UACA: variants seen among roughly 807,000 people sequenced by gnomAD.
The protein encoded by UACA is nuclear membrane binding protein.
Under a neutral mutation model 160.5 loss-of-function variants are expected in UACA, and 112 were observed. The ratio of observed to expected loss-of-function variants is 0.70; its 90% CI spans 0.60 to 0.82. The LOEUF (loss-of-function observed/expected upper bound fraction) is 0.82, where lower values mean the gene tolerates loss of function less well. Ranked by LOEUF, UACA falls within the 40% of genes least tolerant of loss-of-function variation. The pLI, the probability that UACA is intolerant of heterozygous loss-of-function variation, is 0.00. For missense variants in UACA, 1,574 were observed against 1,614.6 expected, an observed-to-expected ratio of 0.97 and a Z score of 0.43; for synonymous variants, 557 against 568.4, an observed-to-expected ratio of 0.98 and a Z score of 0.29.
At chr15:70,665,054 T>A (rs1054980742) in intron 16 of UACA, 1 of 324,174 alleles carries the variant, frequency 3.1e-6, no homozygotes, top group Non-Finnish European at 5.6e-6. Flanking sequence ...ATTACATATA[T>A]CCTAAGATGT....
intron 3 of UACA, 146 bp downstream of exon 3, chr15:70,694,871 A>C (rs1171593344): frequency 7.1e-6 from 5 of 700,700 alleles, no homozygotes; most frequent in African/African-American, 1.8e-5. Context: ...AATACCTCAG[A>C]AGTAAACTCT....
intron 1 of UACA, among the ~76,000 whole-genome samples, chr15:70,710,328 T>C (rs1898646040): frequency 6.6e-6 from 1 of 152,180 alleles, no homozygotes; most frequent in Non-Finnish European, 1.5e-5. Context: ...TATAATTGCA[T>C]ATAAGCACTC....
At chr15:70,699,172 G>A (rs1362654807) in intron 2 of UACA, among the ~76,000 whole-genome samples, 4 of 152,098 alleles carry the variant, frequency 2.6e-5, no homozygotes, top group African/African-American at 9.7e-5. Context: ...TGAGACCAAA[G>A]TATTTAACCT....
chr15:70,768,111 C>T (rs2031059887), upstream of UACA: 1 of 152,198 alleles, frequency 6.6e-6, no homozygotes, highest in Non-Finnish European at 1.5e-5. Flanking sequence ...GGTGTCTGCT[C>T]CGCATAACCA....
chr15:70,747,418 G>A (rs1899745087), intron 1 of UACA, among the ~76,000 whole-genome samples: 1 of 151,842 alleles, frequency 6.6e-6, no homozygotes, highest in African/African-American at 2.4e-5. Flanking sequence ...CGCCCAGGCT[G>A]GAGTACACTG....
intron 1 of UACA, among the ~76,000 whole-genome samples, chr15:70,717,669 A>G (rs1331499680): frequency 6.6e-6 from 1 of 152,140 alleles, no homozygotes; most frequent in Non-Finnish European, 1.5e-5. Flanking sequence ...AGTACTCTCC[A>G]TACTCATATT....
chr15:70,715,461 C>T lies in UACA; in HGVS notation c.79-15801G>A, dbSNP rs142866605. ...TATTAATTAAACAAAAATAGGTTCG[C>T]TACAACTCAAAAGACTCTTCAAGTA... On this transcript the variant is annotated intron_variant, in intron 1 of 18. Transcript: ENST00000322954. Among the ~76,000 whole-genome samples the T allele has an allele frequency of 4.8e-4, 73 of 152,214 alleles. No homozygotes were observed. In the East Asian group the frequency reaches 0.013, roughly 27 times the overall value.
At chr15:70,705,224 CTT>C (rs80171689) in intron 1 of UACA, among the ~76,000 whole-genome samples, 20,566 of 152,046 alleles carry the variant, frequency 0.14, 1,699 homozygotes, top group African/African-American at 0.23. Flanking sequence ...GAAAAACACT[CTT>C]TAAAAAATTA....
At chr15:70,700,301 G>GTATATATATATATATGTATATA (rs1898301097) in intron 1 of UACA, among the ~76,000 whole-genome samples, 1 of 129,884 alleles carries the variant, frequency 7.7e-6, no homozygotes, top group African/African-American at 3.4e-5. Context: ...GAGGCAAATT[G>GTATATATATATATATGTATATA]TATATATATA....
chr15:70,728,091 A>C (rs1899200707), intron 1 of UACA, among the ~76,000 whole-genome samples: 1 of 152,240 alleles, frequency 6.6e-6, no homozygotes, highest in African/African-American at 2.4e-5. Flanking sequence ...TAAACATCTG[A>C]TCTTTGACAA....
At chr15:70,684,884 C>G (rs1216353491) in intron 7 of UACA, among the ~76,000 whole-genome samples, 2 of 152,100 alleles carry the variant, frequency 1.3e-5, no homozygotes, top group Non-Finnish European at 2.9e-5. Context: ...TTAATTACTT[C>G]TACTACCAAA....
At chr15:70,739,067 C>G (rs749273757) in intron 1 of UACA, among the ~76,000 whole-genome samples, 1 of 152,160 alleles carries the variant, frequency 6.6e-6, no homozygotes, top group Non-Finnish European at 1.5e-5. Flanking sequence ...GGTAGGGAAA[C>G]AAAGTCACAT....
Position 70,669,350 on chromosome 15 carries a change from T to C in UACA, c.1334A>G (p.Glu445Gly), listed in dbSNP as rs750101761. The change falls in exon 16 of 19, where the codon GAG (glutamate) becomes GGG (glycine). Residue 445 changes from glutamate to glycine, a missense_variant. Transcript: ENST00000322954. ...SYSENEILKK[E>G]LEAMRTFCES... ...ACAGAAAGTTCGCATTGCTTCTAAC[T>C]CTTTCTTTAAAATTTCATTTTCAGA... is the stretch of plus-strand genomic sequence containing the variant. 41 of 1,613,896 alleles carry C rather than the reference T, an allele frequency of 2.5e-5. No homozygotes were observed. The highest frequency in any genetic ancestry group is 3.3e-5 in the Admixed American group (2 of 59,974).
In UACA at chr15:70,755,007, C is replaced by T. The variant is rs146501496; in HGVS notation, c.78+8323G>A. Among the ~76,000 whole-genome samples, 570 of 152,262 alleles carry T rather than the reference C, an allele frequency of 3.7e-3. 1 individual carries two copies. The highest frequency in any genetic ancestry group is 0.013 in the African/African-American group (538 of 41,528). ...TTGACTTCCTTTGCATAAATAAGCA[C>T]GTGCAGGTGGAAATTTCAATAATAT... On this transcript the variant is annotated intron_variant, in intron 1 of 18. Transcript: ENST00000322954.
intron 1 of UACA, among the ~76,000 whole-genome samples, chr15:70,713,227 T>C (rs189842348): frequency 1.3e-5 from 2 of 152,270 alleles, no homozygotes; most frequent in East Asian, 3.9e-4. Flanking sequence ...GGCCGGCGCC[T>C]GTAGTCCCAG....
intron 13 of UACA, 100 bp downstream of exon 13, chr15:70,676,393 C>A: frequency 1.1e-6 from 1 of 907,412 alleles, no homozygotes. Flanking sequence ...CCCAAGGTCA[C>A]ACTATAAATA....
chr15:70,691,166 GA>G, intron 4 of UACA, 132 bp downstream of exon 4: 2 of 571,444 alleles, frequency 3.5e-6, no homozygotes, highest in East Asian at 6.1e-5. Flanking sequence ...ACAAATGATG[GA>G]AAAAATATGT....
At chr15:70,747,241 GTTTTTTT>G (rs549683234) in intron 1 of UACA, among the ~76,000 whole-genome samples, 46 of 119,242 alleles carry the variant, frequency 3.9e-4, no homozygotes, top group African/African-American at 1.4e-3. Context: ...TGTTTTTTGG[GTTTTTTT>G]TTTTTTTTTT....
At chr15:70,694,203 T>G (rs1898043537) in intron 3 of UACA, among the ~76,000 whole-genome samples, 1 of 151,940 alleles carries the variant, frequency 6.6e-6, no homozygotes. Context: ...AGTGAGAATG[T>G]TTATCCTGAT....
Sources: allele counts gnomAD v4.1 joint callset (sites outside exome capture counted in the v4.1 genomes callset), GRCh38; gene constraint gnomAD v4.1.1; transcripts MANE v1.5; gene names NCBI Gene and HGNC (gene_info 2026-07-23, HGNC 2026-07-21).